FRYL: variants seen among roughly 807,000 people sequenced by gnomAD.
FRYL encodes FRY like transcription coactivator.
A neutral mutation model predicts 351.2 loss-of-function variants in FRYL; 150 were observed. The observed-to-expected ratio is 0.43, with a 90% confidence interval of 0.37 to 0.49. The LOEUF (loss-of-function observed/expected upper bound fraction) is 0.49, where lower values mean the gene tolerates loss of function less well. Among genes scored for constraint, FRYL ranks in the 20% least tolerant of loss-of-function variants. The pLI is 0.00. For missense variants in FRYL, 3,036 were observed against 3,619.3 expected (o/e 0.84, Z 4.13); for synonymous variants, 1,153 against 1,257.1 (o/e 0.92, Z 1.75).
intron 60 of FRYL, 136 bp downstream of exon 60, chr4:48,505,411 G>T: frequency 3.2e-5 from 20 of 627,382 alleles, no homozygotes; most frequent in Admixed American, 7.4e-5. Context: ...TACAAAGATT[G>T]TTTTGATAAC....
At chr4:48,730,765 T>C (rs1224607505) in intron 1 of FRYL, among the ~76,000 whole-genome samples, 3 of 152,190 alleles carry the variant, frequency 2.0e-5, no homozygotes, top group Admixed American at 2.0e-4. Flanking sequence ...CTGCAAAACA[T>C]GCCAAATTGT....
At chr4:48,643,826 T>C (rs1378310402) in intron 3 of FRYL, among the ~76,000 whole-genome samples, 3 of 152,194 alleles carry the variant, frequency 2.0e-5, no homozygotes, top group South Asian at 2.1e-4. Flanking sequence ...CGCTTCCTAA[T>C]ATAAAAGAAG....
intron 24 of FRYL, 99 bp downstream of exon 24, chr4:48,575,931 A>C (rs541858789): frequency 1.0e-6 from 1 of 975,124 alleles, no homozygotes; most frequent in South Asian, 2.0e-5. Context: ...CACATTTTCA[A>C]CTGAGTTACT....
chr4:48,545,384 C>G (rs1731114327), intron 42 of FRYL, among the ~76,000 whole-genome samples: 1 of 152,110 alleles, frequency 6.6e-6, no homozygotes, highest in Non-Finnish European at 1.5e-5. Context: ...AACACAGGCC[C>G]AAAGTGCCCT....
At chr4:48,636,146 AAC>A (rs1754186470) in intron 3 of FRYL, among the ~76,000 whole-genome samples, 2 of 152,258 alleles carry the variant, frequency 1.3e-5, no homozygotes, top group East Asian at 3.9e-4. Flanking sequence ...CAGTCCTTTG[AAC>A]ACAGTGTACA....
intron 3 of FRYL, among the ~76,000 whole-genome samples, chr4:48,642,122 A>G (rs1755453673): frequency 6.6e-6 from 1 of 152,206 alleles, no homozygotes; most frequent in South Asian, 2.1e-4. Flanking sequence ...TATTATGCTC[A>G]TTAAAAATCT....
chr4:48,662,815 T>C (rs1308495173), intron 3 of FRYL, among the ~76,000 whole-genome samples: 1 of 146,266 alleles, frequency 6.8e-6, no homozygotes, highest in Non-Finnish European at 1.5e-5. Flanking sequence ...GAAGTTAGAA[T>C]GACATCAATG....
chr4:48,552,460 C>G (rs952116228), intron 36 of FRYL, among the ~76,000 whole-genome samples: 2 of 151,922 alleles, frequency 1.3e-5, no homozygotes, highest in African/African-American at 4.8e-5. Context: ...ATATTCTACT[C>G]TTTATGAAAA....
chr4:48,509,238 A>G (rs1403617977), intron 59 of FRYL, among the ~76,000 whole-genome samples: 3 of 152,246 alleles, frequency 2.0e-5, no homozygotes, highest in African/African-American at 7.2e-5. Context: ...TGCATTTAGG[A>G]TAAAGAGCCC....
At chr4:48,607,139 T>C (rs1747013385) in intron 9 of FRYL, among the ~76,000 whole-genome samples, 1 of 152,190 alleles carries the variant, frequency 6.6e-6, no homozygotes, top group South Asian at 2.1e-4. Flanking sequence ...AAATCACAAT[T>C]GTTAAAGCTA....
chr4:48,564,851 T>C, intron 30 of FRYL, 82 bp downstream of exon 30: 1 of 677,132 alleles, frequency 1.5e-6, no homozygotes, highest in Non-Finnish European at 2.5e-6. Context: ...TTTAAAAGAC[T>C]TGTTTTTAGT....
intron 1 of FRYL, among the ~76,000 whole-genome samples, chr4:48,738,468 T>C (rs1373980041): frequency 6.6e-6 from 1 of 152,148 alleles, no homozygotes; most frequent in Admixed American, 6.5e-5. Context: ...ACATATTCTA[T>C]GTTCATGGAT....
chr4:48,506,811 T>A lies in FRYL; in HGVS notation c.8395-1196A>T, dbSNP rs1307680401. ...GAATTGAAATTTGACATTTCAGTTATTTCAAAAATGATCTCTTTGACCTTA... is the reference window on the plus strand; with the variant it reads ...GAATTGAAATTTGACATTTCAGTTAATTCAAAAATGATCTCTTTGACCTTA... On this transcript the variant is annotated intron_variant, in intron 59 of 63. Transcript: ENST00000358350. Among the ~76,000 whole-genome samples, 6 of 151,936 alleles carry A rather than the reference T, an allele frequency of 3.9e-5. No homozygotes were observed. In the East Asian group the frequency reaches 1.2e-3, roughly 29 times the overall value.
intron 33 of FRYL, among the ~76,000 whole-genome samples, chr4:48,558,225 A>T (rs1202672335): frequency 1.3e-5 from 2 of 152,228 alleles, no homozygotes; most frequent in Non-Finnish European, 2.9e-5. Flanking sequence ...GTGGAATATT[A>T]TGCACCCTTA....
At chr4:48,573,002 C>G (rs1738685956) in intron 26 of FRYL, among the ~76,000 whole-genome samples, 184 bp downstream of exon 26, 2 of 152,194 alleles carry the variant, frequency 1.3e-5, no homozygotes, top group East Asian at 1.9e-4. Context: ...TAAGTTAAAG[C>G]AATTTTTCAT....
At chr4:48,527,736 C>T in intron 52 of FRYL, 83 bp from the exon 53 acceptor site, 1 of 1,323,010 alleles carries the variant, frequency 7.6e-7, no homozygotes, top group Non-Finnish European at 1.0e-6. Context: ...CCCAAAGCCA[C>T]CGCAGGCCTC....
chr4:48,525,905 ATG>A (rs957678876), intron 53 of FRYL, among the ~76,000 whole-genome samples: 4 of 151,710 alleles, frequency 2.6e-5, no homozygotes, highest in African/African-American at 9.7e-5. Flanking sequence ...GAGTTGATGA[ATG>A]TGTATGAGCT....
chr4:48,525,223 GTA>G (rs1725840540), intron 53 of FRYL, among the ~76,000 whole-genome samples: 1 of 147,728 alleles, frequency 6.8e-6, no homozygotes, highest in Non-Finnish European at 1.5e-5. Flanking sequence ...GATGTAAAAT[GTA>G]TTAACTGTGG....
Position 48,515,256 on chromosome 4 carries a change from TTTAATACTGAAG to T in FRYL, c.7697_7708del (p.Thr2566_Leu2569del). ...TTCAAAGGTTGTAACATGTTCCTCC[TTTAATACTGAAG>T]TTGTATCCTACAAAACAATCATAGT... On this transcript the variant is annotated inframe_deletion, in exon 56 of 64. Coordinates refer to ENST00000358350, the MANE Select transcript of FRYL (RefSeq NM_015030.2). 6.2e-7 allele frequency: 1 copy of T among 1,608,286 alleles called. No individual in the cohort carries two copies. Among genetic ancestry groups the T allele is most frequent in the South Asian group, 1.1e-5 (1 of 90,778 alleles).
Sources: allele counts gnomAD v4.1 joint callset (sites outside exome capture counted in the v4.1 genomes callset), GRCh38; gene constraint gnomAD v4.1.1; transcripts MANE v1.5; gene names NCBI Gene and HGNC (gene_info 2026-07-23, HGNC 2026-07-21).